TADA1: variants seen among roughly 807,000 people sequenced by gnomAD.
TADA1 encodes the protein transcriptional adaptor 1.
Under a neutral mutation model 39.3 loss-of-function variants are expected in TADA1, and 23 were observed. That is an observed-to-expected ratio of 0.58 (90% confidence interval 0.42 to 0.83). TADA1 has a LOEUF of 0.83. Ranked by LOEUF, TADA1 falls within the 40% of genes least tolerant of loss-of-function variation. TADA1 has a pLI of 0.00. For missense variants in TADA1, 352 were observed against 408.1 expected (o/e 0.86, Z 1.18); for synonymous variants, 137 against 151.8 (o/e 0.90, Z 0.72).
At chr1:166,860,121 G>T in intron 6 of TADA1, 65 bp downstream of exon 6, 1 of 1,456,182 alleles carries the variant, frequency 6.9e-7, no homozygotes, top group Non-Finnish European at 9.3e-7. Flanking sequence ...TTTAACAATG[G>T]TCTATAAGAG....
At chr1:166,860,836 A>AT (rs1288481088) in intron 5 of TADA1, among the ~76,000 whole-genome samples, 3 of 152,078 alleles carry the variant, frequency 2.0e-5, no homozygotes, top group African/African-American at 7.2e-5. Flanking sequence ...AGCCTGGCTA[A>AT]TTTTTTATTT....
chr1:166,866,791 C>A (rs534613013), intron 3 of TADA1, among the ~76,000 whole-genome samples: 1 of 151,694 alleles, frequency 6.6e-6, no homozygotes, highest in Admixed American at 6.6e-5. Context: ...GTCACCCAGG[C>A]TGGAGTGCAG....
intron 6 of TADA1, among the ~76,000 whole-genome samples, 180 bp from the exon 7 acceptor site, chr1:166,858,461 T>A (rs985003490): frequency 2.0e-5 from 3 of 152,202 alleles, no homozygotes; most frequent in African/African-American, 7.2e-5. Flanking sequence ...AAATAAAACA[T>A]AATACAACTA....
rs925760468 is a variant in TADA1, at chr1:166,858,032, G to GA, written c.855+86dup. The GA allele has an allele frequency of 1.3e-5, 19 of 1,510,030 alleles. No homozygotes were observed. In the African/African-American group the frequency reaches 2.4e-4, roughly 19 times the overall value. The allele number at this position is 1,510,030 out of a possible 1,614,324, so 93.5% of individuals were successfully genotyped here. On this transcript the variant is annotated intron_variant, in intron 7 of 7. Coordinates refer to ENST00000367874, the MANE Select transcript of TADA1 (RefSeq NM_053053.4). Reference sequence around the variant, plus strand: ...CTGAAAAACACAAAGCCAAGAAGTGGAAAAAACCAGTGAATACCTTTGTAG... The same window carrying GA: ...CTGAAAAACACAAAGCCAAGAAGTGGAAAAAAACCAGTGAATACCTTTGTAG...
intron 3 of TADA1, among the ~76,000 whole-genome samples, chr1:166,866,889 T>G (rs1658548611): frequency 6.6e-6 from 1 of 151,872 alleles, no homozygotes; most frequent in African/African-American, 2.4e-5. Flanking sequence ...GGATTACAGG[T>G]GCCTACCACC....
intron 3 of TADA1, among the ~76,000 whole-genome samples, chr1:166,866,014 T>C (rs976526117): frequency 5.9e-5 from 9 of 152,158 alleles, no homozygotes; most frequent in African/African-American, 1.9e-4. Flanking sequence ...CATGCACAGA[T>C]CTCACTTGAT....
At chr1:166,870,863 G>A (rs1658643605) in intron 1 of TADA1, among the ~76,000 whole-genome samples, 2 of 152,166 alleles carry the variant, frequency 1.3e-5, no homozygotes, top group South Asian at 4.1e-4. Flanking sequence ...GGTAGTCACA[G>A]AATTGGACTC....
intron 3 of TADA1, 151 bp downstream of exon 3, chr1:166,869,294 C>A (rs1658605912): frequency 7.3e-5 from 35 of 482,276 alleles, no homozygotes; most frequent in East Asian, 2.4e-4. Context: ...AAAAAAGATT[C>A]TGTAAAAGAA....
intron 5 of TADA1, among the ~76,000 whole-genome samples, 168 bp from the exon 6 acceptor site, chr1:166,860,505 A>G (rs918003153): frequency 2.0e-5 from 3 of 152,228 alleles, no homozygotes; most frequent in Non-Finnish European, 4.4e-5. Flanking sequence ...AGCCACACCA[A>G]AGGAGTAGGA....
intron 2 of TADA1, 21 bp downstream of exon 2, chr1:166,869,742 C>T (rs754687700): frequency 3.2e-6 from 5 of 1,582,058 alleles, no homozygotes; most frequent in Non-Finnish European, 4.3e-6. Flanking sequence ...AGTAAAATAA[C>T]TCTGCAGATA....
intron 5 of TADA1, among the ~76,000 whole-genome samples, chr1:166,860,658 AAAG>A (rs1486887122): frequency 8.5e-5 from 13 of 152,234 alleles, no homozygotes; most frequent in African/African-American, 3.1e-4. Context: ...GATGGCTTTA[AAAG>A]AAGTACACAA....
At position 166,856,675 on chromosome 1, in the gene TADA1, A is replaced by G. The variant is rs1369606090; in HGVS notation, c.*892T>C. 7 of 152,782 alleles carry G rather than the reference A, an allele frequency of 4.6e-5. No individual in the cohort carries two copies. In the East Asian group the frequency reaches 1.3e-3, roughly 29 times the overall value. The allele number at this position is 152,782 out of a possible 1,614,324, so 9.5% of individuals were successfully genotyped here. A position where few individuals can be genotyped will look rare whatever the true frequency, so the allele number is the denominator to read the frequency against. ...CAACACTATCCCTTAAGTAAAAAGC[A>G]ACATATCTCTTAAGTAGGTTTGTTA... On this transcript the variant is annotated 3_prime_UTR_variant, in exon 8 of 8. Transcript: ENST00000367874.
At position 166,866,893 on chromosome 1, in the gene TADA1, T is replaced by C. The variant is rs547186060; in HGVS notation, c.232+2552A>G. Among the ~76,000 whole-genome samples, 688 of 152,090 alleles carry C rather than the reference T, an allele frequency of 4.5e-3. 4 individuals carry two copies. Among genetic ancestry groups the C allele is most frequent in the Non-Finnish European group, 7.9e-3 (538 of 67,946 alleles). ...CCTAGTACCCAGGATTACAGGTGCC[T>C]ACCACCATGCCTGGCTAATTTTTGT... On this transcript the variant is annotated intron_variant, in intron 3 of 7. Transcript: ENST00000367874.
chr1:166,858,288 A>C lies in TADA1; in HGVS notation c.693-7T>G. On this transcript the variant is annotated splice_polypyrimidine_tract_variant and splice_region_variant and intron_variant, in intron 6 of 7. Coordinates refer to ENST00000367874, the MANE Select transcript of TADA1 (RefSeq NM_053053.4). ...AGCAGTAAAAGCTGGAGGGCTGAAA[A>C]TAAAAATTTCAGAAATAGTCCCAGC... is the stretch of plus-strand genomic sequence containing the variant. The C allele has an allele frequency of 6.5e-7, 1 of 1,533,194 alleles. No homozygotes were observed. The highest frequency in any genetic ancestry group is 8.7e-7 in the Non-Finnish European group (1 of 1,143,084). The allele number at this position is 1,533,194 out of a possible 1,614,324, so 95.0% of individuals were successfully genotyped here. A position where few individuals can be genotyped will look rare whatever the true frequency, so the allele number is the denominator to read the frequency against.
chr1:166,873,006 C>T (rs1010196285), intron 1 of TADA1, among the ~76,000 whole-genome samples: 10 of 152,320 alleles, frequency 6.6e-5, no homozygotes, highest in African/African-American at 2.4e-4. Flanking sequence ...CAGTGACTCA[C>T]GCTTGTAAGC....
At chr1:166,870,654 C>A (rs1658637853) in intron 1 of TADA1, among the ~76,000 whole-genome samples, 1 of 152,156 alleles carries the variant, frequency 6.6e-6, no homozygotes, top group Non-Finnish European at 1.5e-5. Flanking sequence ...ATGGCAGGAC[C>A]TCCCTCTCTA....
At chr1:166,858,405 CTCCT>C in intron 6 of TADA1, 124 bp from the exon 7 acceptor site, 24 of 617,246 alleles carry the variant, frequency 3.9e-5, no homozygotes, top group Non-Finnish European at 5.7e-5. Flanking sequence ...TCAATGTCTA[CTCCT>C]GTAGACATGA....
Position 166,869,478 on chromosome 1 carries a change from G to C in TADA1, c.199C>G (p.Leu67Val). The C allele has an allele frequency of 6.2e-7, 1 of 1,613,734 alleles. No homozygotes were observed. The highest frequency in any genetic ancestry group is 8.5e-7 in the Non-Finnish European group (1 of 1,179,772). Residue 67 changes from leucine to valine, a missense_variant, in exon 3 of 8, where the codon CTC becomes GTC. Leu to Val is a conservative substitution (Grantham distance 32, BLOSUM62 1). Transcript: ENST00000367874. ...GAAACCAAAATCTGACAACGCGTGA[G>C]AATGGCCAGGAGGAAATCATTGTGA... ...HSHNDFLLAILTRCQILVSTP... is the reference protein window; with the variant it reads ...HSHNDFLLAIVTRCQILVSTP...
chr1:166,857,822 A>ACTTT, intron 7 of TADA1, 103 bp from the exon 8 acceptor site: 1 of 1,290,144 alleles, frequency 7.8e-7, no homozygotes, highest in Non-Finnish European at 1.1e-6. Flanking sequence ...CAATCTATAA[A>ACTTT]CTTTCAGTCA....
Sources: gnomAD v4.1 joint callset for allele counts (sites outside exome capture counted in the v4.1 genomes callset) on GRCh38, gnomAD v4.1.1 for gene constraint, MANE v1.5 for transcripts, NCBI Gene and HGNC (gene_info 2026-07-23, HGNC 2026-07-21) for gene names.